The following PLEKHA6 variants were observed in gnomAD, a reference collection of about 807,000 sequenced individuals.
PLEKHA6 encodes pleckstrin homology domain containing A6, also known as pleckstrin homology domain-containing family A member 6.
Under a neutral mutation model 116.7 loss-of-function variants are expected in PLEKHA6, and 60 were observed. That is an observed-to-expected ratio of 0.51 (90% CI 0.42 to 0.64). The LOEUF is 0.64. Ranked by LOEUF, PLEKHA6 falls within the 30% of genes least tolerant of loss-of-function variation. The pLI is 0.00. For synonymous variants in PLEKHA6, 489 were observed against 556.1 expected (o/e 0.88, Z 1.70); for missense variants, 1,338 against 1,422.7 (o/e 0.94, Z 0.96).
intron 17 of PLEKHA6, among the ~76,000 whole-genome samples, chr1:204,237,128 G>C (rs557840408): frequency 6.0e-4 from 92 of 152,320 alleles, no homozygotes; most frequent in Middle Eastern, 3.4e-3. Context: ...TAAAGTAGGA[G>C]CTTATGGAGG....
chr1:204,364,630 C>T (rs1673617154), upstream of PLEKHA6, among the ~76,000 whole-genome samples: 1 of 152,160 alleles, frequency 6.6e-6, no homozygotes, highest in Non-Finnish European at 1.5e-5. Context: ...TGTATGTGAA[C>T]ACAGAATTCA....
In PLEKHA6 at chr1:204,277,863, A is replaced by G. The variant is rs1467343137; in HGVS notation, c.-94-3054T>C. 1 of 152,242 alleles carries G rather than the reference A, an allele frequency of 6.6e-6. No homozygotes were observed. The highest frequency in any genetic ancestry group is 2.4e-5 in the African/African-American group (1 of 41,416). 9.4% of individuals were successfully genotyped at this position (152,242 alleles called of 1,614,324 possible). ...AGTCCTACCGATGAGAAGCAAGTCGACCAGATGGGCGTGGATGCTGTGGAA... is the reference window on the plus strand; with the variant it reads ...AGTCCTACCGATGAGAAGCAAGTCGGCCAGATGGGCGTGGATGCTGTGGAA... On this transcript the variant is annotated intron_variant, in intron 1 of 22. Transcript: ENST00000272203. The surrounding 1 kb of genome is among the most constrained non-coding windows in gnomAD (Gnocchi z 4.1).
In PLEKHA6 at chr1:204,223,525, G is replaced by A; in HGVS notation, c.3092C>T (p.Pro1031Leu). 6.4e-7 allele frequency: 1 copy of A among 1,551,052 alleles called. No individual in the cohort carries two copies. Among genetic ancestry groups the A allele is most frequent in the Non-Finnish European group, 8.7e-7 (1 of 1,146,586 alleles). The change falls in exon 22 of 23, where the codon CCC becomes CTC. Residue 1031 changes from proline (P) to leucine (L), a missense_variant. Pro to Leu is a moderately conservative substitution (Grantham distance 98). Transcript: ENST00000272203. This position sits in a 1 kb window ranked among gnomAD's most constrained non-coding sequence, Gnocchi z 4.8. ...SPASPAPPAN[P>L]LSSESPRGAD... ...GCCCCGTGGGGATTCAGACGACAGGGGGTTTGCTGGAGGAGCCGGGGAAGC... is the reference window on the plus strand; with the variant it reads ...GCCCCGTGGGGATTCAGACGACAGGAGGTTTGCTGGAGGAGCCGGGGAAGC...
At chr1:204,331,215 A>G (rs1353479063) in intron 1 of PLEKHA6, among the ~76,000 whole-genome samples, 1 of 151,854 alleles carries the variant, frequency 6.6e-6, no homozygotes, top group Non-Finnish European at 1.5e-5. Flanking sequence ...AAAAAAAAAA[A>G]AAAAAGGAAT....
chr1:204,254,560 C>T (rs1367775021), intron 9 of PLEKHA6, among the ~76,000 whole-genome samples: 1 of 152,166 alleles, frequency 6.6e-6, no homozygotes, highest in Non-Finnish European at 1.5e-5. Flanking sequence ...CTTGGAGTCA[C>T]TGTCCAAGCT....
At chr1:204,226,412 G>C (rs973949363) in intron 21 of PLEKHA6, among the ~76,000 whole-genome samples, 2 of 152,202 alleles carry the variant, frequency 1.3e-5, no homozygotes, top group Non-Finnish European at 2.9e-5. Flanking sequence ...AGCGCCAGGG[G>C]CTGGGGCTGG....
At chr1:204,339,925 T>TAACTGTATAAACTAATTAC (rs1672785445) in intron 1 of PLEKHA6, among the ~76,000 whole-genome samples, 2 of 152,228 alleles carry the variant, frequency 1.3e-5, no homozygotes, top group African/African-American at 4.8e-5. Flanking sequence ...TAAACTATAT[T>TAACTGTATAAACTAATTAC]AACTGTATAA....
At chr1:204,305,903 C>A (rs959327810) in intron 1 of PLEKHA6, among the ~76,000 whole-genome samples, 9 of 152,146 alleles carry the variant, frequency 5.9e-5, no homozygotes, top group Non-Finnish European at 1.0e-4. Flanking sequence ...TTGCACTTTG[C>A]CCATCCCGCA....
chr1:204,297,871 G>A, intron 1 of PLEKHA6: 10 of 984,444 alleles, frequency 1.0e-5, no homozygotes, highest in Non-Finnish European at 1.1e-5. Context: ...ACCTCCACAA[G>A]GTCCATCAAT....
intron 1 of PLEKHA6, among the ~76,000 whole-genome samples, chr1:204,285,096 A>T (rs553068993): frequency 6.6e-6 from 1 of 152,370 alleles, no homozygotes; most frequent in East Asian, 1.9e-4. Context: ...CAAGAGCCAC[A>T]GTAGCTAGTG....
chr1:204,276,893 A>G (rs1668069165), intron 1 of PLEKHA6: 2 of 152,552 alleles, frequency 1.3e-5, no homozygotes, highest in South Asian at 2.1e-4. Context: ...GGTCATCTCA[A>G]GCAGACCCCT....
chr1:204,337,356 C>T (rs1296781492), intron 1 of PLEKHA6, among the ~76,000 whole-genome samples: 3 of 152,156 alleles, frequency 2.0e-5, no homozygotes, highest in South Asian at 2.1e-4. Context: ...CTCTCCCCAG[C>T]TCTACCAAGC....
intron 2 of PLEKHA6, 54 bp from the exon 3 acceptor site, chr1:204,273,794 A>C: frequency 7.9e-7 from 1 of 1,273,082 alleles, no homozygotes; most frequent in Admixed American, 1.8e-5. Context: ...GAAACAATGG[A>C]AACAGCCCAT....
chr1:204,310,016 T>C (rs1300856201), intron 1 of PLEKHA6, among the ~76,000 whole-genome samples: 6 of 152,058 alleles, frequency 3.9e-5, no homozygotes, highest in Non-Finnish European at 7.4e-5. Context: ...TCACAAAACA[T>C]CATTCTCCTT....
intron 3 of PLEKHA6, among the ~76,000 whole-genome samples, chr1:204,269,936 A>G (rs1415025989): frequency 1.3e-5 from 2 of 152,090 alleles, no homozygotes; most frequent in African/African-American, 4.8e-5. Context: ...TCCCCCTTCA[A>G]TACACCCAAT....
chr1:204,269,447 T>TAAAA, intron 3 of PLEKHA6, among the ~76,000 whole-genome samples: 1 of 140,538 alleles, frequency 7.1e-6, no homozygotes, highest in East Asian at 2.1e-4. Flanking sequence ...TGCTGGAGAA[T>TAAAA]AAAAAAAAAA....
intron 1 of PLEKHA6, among the ~76,000 whole-genome samples, chr1:204,330,764 T>C (rs1425451162): frequency 6.6e-6 from 1 of 152,056 alleles, no homozygotes; most frequent in Non-Finnish European, 1.5e-5. Flanking sequence ...CACCATGAGG[T>C]TGTGGAGGAG....
upstream of PLEKHA6, among the ~76,000 whole-genome samples, chr1:204,363,519 G>T (rs754833190): frequency 6.6e-6 from 1 of 152,264 alleles, no homozygotes; most frequent in Middle Eastern, 3.4e-3. Flanking sequence ...GTCCTGCCAC[G>T]TCTCCCTCCC....
At chr1:204,300,326 A>G (rs1670688862) in intron 1 of PLEKHA6, among the ~76,000 whole-genome samples, 1 of 152,176 alleles carries the variant, frequency 6.6e-6, no homozygotes, top group Non-Finnish European at 1.5e-5. Flanking sequence ...ACACTTCTCC[A>G]GCCATGCAAT....
Sources: gnomAD v4.1 joint callset for allele counts (sites outside exome capture counted in the v4.1 genomes callset) on GRCh38, gnomAD v4.1.1 for gene constraint, Gnocchi (gnomAD v3.1) non-coding constraint, MANE v1.5 for transcripts, NCBI Gene and HGNC (gene_info 2026-07-23, HGNC 2026-07-21) for gene names.